EYA1: variants seen among roughly 807,000 people sequenced by gnomAD.
EYA1 encodes the protein EYA transcriptional coactivator and phosphatase 1, also known as protein phosphatase EYA1.
In EYA1, 16 loss-of-function variants were observed where a neutral mutation model predicts 82.0. The observed-to-expected ratio is 0.20, with a 90% CI of 0.13 to 0.30. The LOEUF (loss-of-function observed/expected upper bound fraction) is 0.30. Ranked by LOEUF, EYA1 falls within the 10% of genes least tolerant of loss-of-function variation. EYA1 has a pLI of 1.00. For synonymous variants in EYA1, 261 were observed against 264.4 expected, an observed-to-expected ratio of 0.99 and a Z score of 0.12; for missense variants, 633 against 730.7, an observed-to-expected ratio of 0.87 and a Z score of 1.54.
At chr8:71,313,800 A>C (rs1032613729) in intron 7 of EYA1, among the ~76,000 whole-genome samples, 15 of 152,170 alleles carry the variant, frequency 9.9e-5, no homozygotes, top group African/African-American at 3.6e-4. Flanking sequence ...AGTCTGATAG[A>C]ACCAAAGAGC....
intron 2 of EYA1, among the ~76,000 whole-genome samples, chr8:71,426,133 T>C (rs1805212997): frequency 1.3e-5 from 2 of 152,242 alleles, no homozygotes; most frequent in Admixed American, 6.5e-5. Context: ...TACTTTAGTA[T>C]GGCCTAAACT....
intron 2 of EYA1, among the ~76,000 whole-genome samples, chr8:71,532,932 A>G (rs1213097850): frequency 6.6e-6 from 1 of 152,244 alleles, no homozygotes; most frequent in East Asian, 1.9e-4. Flanking sequence ...CACAATGGAT[A>G]CAACTCATCC....
At chr8:71,251,626 T>C (rs576572843) in intron 11 of EYA1, among the ~76,000 whole-genome samples, 1 of 152,208 alleles carries the variant, frequency 6.6e-6, no homozygotes, top group East Asian at 1.9e-4. Flanking sequence ...TAAATAATGA[T>C]GAAATTGGCT....
At chr8:71,475,866 A>G (rs1425717488) in intron 2 of EYA1, among the ~76,000 whole-genome samples, 4 of 152,220 alleles carry the variant, frequency 2.6e-5, no homozygotes, top group African/African-American at 7.2e-5. Flanking sequence ...ATAACTAAAA[A>G]CAAATTTCAA....
intron 9 of EYA1, among the ~76,000 whole-genome samples, chr8:71,290,568 C>G (rs914189471): frequency 2.0e-5 from 3 of 152,044 alleles, no homozygotes; most frequent in Non-Finnish European, 4.4e-5. Context: ...AAAACTGACT[C>G]TATAAGGCAT....
At chr8:71,384,361 G>T (rs1439030133) in intron 2 of EYA1, among the ~76,000 whole-genome samples, 1 of 152,132 alleles carries the variant, frequency 6.6e-6, no homozygotes, top group Non-Finnish European at 1.5e-5. Context: ...AGACTTCACT[G>T]GCTGTTCTCA....
At position 71,384,864 on chromosome 8, in the gene EYA1, T is replaced by G. The variant is rs943052399; in HGVS notation, c.34-28353A>C. Among the ~76,000 whole-genome samples, 34 of 152,338 alleles carry G rather than the reference T, an allele frequency of 2.2e-4. 1 individual carries two copies. The highest frequency in any genetic ancestry group is 3.4e-3 in the Middle Eastern group (1 of 294). On this transcript the variant is annotated intron_variant, in intron 2 of 18. Coordinates refer to the EYA1 transcript ENST00000643681. ...TAGTATTAAGGGATATAGATTGTCG[T>G]GCTTTCTACTACTAGATTGTAGTGT...
intron 7 of EYA1, among the ~76,000 whole-genome samples, chr8:71,314,562 G>C (rs1821700053): frequency 6.6e-6 from 1 of 152,028 alleles, no homozygotes; most frequent in Non-Finnish European, 1.5e-5. Context: ...TATACTGGTT[G>C]AGCATTCCTA....
At chr8:71,226,413 T>C (rs1053659021) in intron 12 of EYA1, among the ~76,000 whole-genome samples, 5 of 151,876 alleles carry the variant, frequency 3.3e-5, no homozygotes, top group Non-Finnish European at 5.9e-5. Flanking sequence ...TTTCTCACCA[T>C]GAATGCCTTC....
chr8:71,215,634 T>C lies in EYA1; in HGVS notation c.1455A>G (p.Ala485=). The part of the protein sequence containing the change: ...TDSWLTLALK[A]LSLIHSRTNC... Reference sequence around the variant, plus strand: ...CTCACCGGGAGTGAATGAGCGAGAGTGCTTTCAGGGCCAGTGTCAACCAGG... The same window carrying C: ...CTCACCGGGAGTGAATGAGCGAGAGCGCTTTCAGGGCCAGTGTCAACCAGG... The change falls in exon 15 of 18, where the codon GCA becomes GCG. Residue 485 remains alanine, a synonymous_variant. Coordinates refer to ENST00000340726, the MANE Select transcript of EYA1 (RefSeq NM_000503.6). 1 of 1,613,760 alleles carries C rather than the reference T, an allele frequency of 6.2e-7. No homozygotes were observed. Among genetic ancestry groups the C allele is most frequent in the Non-Finnish European group, 8.5e-7 (1 of 1,179,900 alleles).
chr8:71,309,753 C>T (rs945100364), intron 7 of EYA1, among the ~76,000 whole-genome samples: 13 of 152,122 alleles, frequency 8.5e-5, no homozygotes, highest in African/African-American at 3.1e-4. Flanking sequence ...TGGATCATTC[C>T]CACTTCATAA....
At chr8:71,412,259 T>C (rs1239666946) in intron 2 of EYA1, among the ~76,000 whole-genome samples, 29 of 138,206 alleles carry the variant, frequency 2.1e-4, no homozygotes, top group Non-Finnish European at 4.1e-4. Context: ...GGGATAGCAT[T>C]GGGAGATATA....
chr8:71,259,616 A>G (rs1345937272), intron 11 of EYA1, among the ~76,000 whole-genome samples: 2 of 152,044 alleles, frequency 1.3e-5, no homozygotes, highest in African/African-American at 4.8e-5. Flanking sequence ...GCAAACACCA[A>G]CCCCTCACAG....
chr8:71,200,726 G>A (rs1806877938), intron 17 of EYA1, among the ~76,000 whole-genome samples: 1 of 152,184 alleles, frequency 6.6e-6, no homozygotes, highest in South Asian at 2.1e-4. Flanking sequence ...AGAGATGCAT[G>A]TGTCGCTGCC....
At chr8:71,338,990 C>T (rs1280117809) in intron 3 of EYA1, among the ~76,000 whole-genome samples, 1 of 152,172 alleles carries the variant, frequency 6.6e-6, no homozygotes, top group Non-Finnish European at 1.5e-5. Context: ...CATCCCTCTC[C>T]CACTCTTTAT....
intron 2 of EYA1, among the ~76,000 whole-genome samples, chr8:71,396,857 G>C (rs543892943): frequency 1.4e-4 from 21 of 152,220 alleles, no homozygotes; most frequent in African/African-American, 3.6e-4. Context: ...GACTTTCTGT[G>C]TCGTTGATCT....
At chr8:71,377,662 T>C (rs1393884971) in intron 2 of EYA1, among the ~76,000 whole-genome samples, 1 of 152,230 alleles carries the variant, frequency 6.6e-6, no homozygotes, top group Non-Finnish European at 1.5e-5. Context: ...CACATTGTTG[T>C]GCATCACCAT....
intron 11 of EYA1, among the ~76,000 whole-genome samples, chr8:71,268,621 A>G (rs1375167082): frequency 1.3e-5 from 2 of 152,198 alleles, no homozygotes; most frequent in African/African-American, 4.8e-5. Flanking sequence ...AAGATGAGAC[A>G]TACTGTGTTT....
At chr8:71,490,235 CCTTAA>C (rs1321286095) in intron 2 of EYA1, among the ~76,000 whole-genome samples, 2 of 152,110 alleles carry the variant, frequency 1.3e-5, no homozygotes, top group African/African-American at 4.8e-5. Flanking sequence ...CATAATAATG[CCTTAA>C]CTTTTGAGAA....
Sources: gnomAD v4.1 joint callset for allele counts (sites outside exome capture counted in the v4.1 genomes callset) on GRCh38, gnomAD v4.1.1 for gene constraint, MANE v1.5 for transcripts, NCBI Gene and HGNC (gene_info 2026-07-23, HGNC 2026-07-21) for gene names.